The following TP63 variants were observed in gnomAD, a reference collection of about 807,000 sequenced individuals.
TP63 encodes the protein tumor protein 63.
Under a neutral mutation model 82.8 loss-of-function variants are expected in TP63, and 17 were observed. The ratio of observed to expected loss-of-function variants is 0.21; its 90% confidence interval spans 0.14 to 0.31. The LOEUF (loss-of-function observed/expected upper bound fraction) is 0.31. TP63 is among the 10% of genes least tolerant of loss of function. The pLI is 1.00. For missense variants in TP63, 648 were observed against 895.3 expected (o/e 0.72, Z 3.52); for synonymous variants, 330 against 321.7 (o/e 1.03, Z -0.28).
upstream of TP63, among the ~76,000 whole-genome samples, chr3:189,626,625 ACT>A (rs1452732958): frequency 6.6e-6 from 1 of 151,714 alleles, no homozygotes; most frequent in Non-Finnish European, 1.5e-5. Context: ...TCTTCTGAAA[ACT>A]CTCTGCTCAG....
intron 1 of TP63, among the ~76,000 whole-genome samples, chr3:189,641,652 T>A (rs913857473): frequency 3.3e-5 from 5 of 152,198 alleles, no homozygotes; most frequent in African/African-American, 1.2e-4. Context: ...CTATGTAATT[T>A]ACTACATTTA....
At chr3:189,833,685 T>C (rs1159951054) in intron 4 of TP63, among the ~76,000 whole-genome samples, 1 of 152,028 alleles carries the variant, frequency 6.6e-6, no homozygotes, top group Non-Finnish European at 1.5e-5. Context: ...TCTCTTTTTT[T>C]TTTTTTTAAA....
chr3:189,829,467 T>A (rs1247722077), intron 4 of TP63, among the ~76,000 whole-genome samples: 3 of 152,192 alleles, frequency 2.0e-5, no homozygotes, highest in Non-Finnish European at 4.4e-5. Context: ...GTCTCAGATC[T>A]TAGGGGAGGA....
chr3:189,724,068 G>A lies in TP63; in HGVS notation c.63-13672G>A, dbSNP rs139150062. ...AATATCCACTCCACTCCTCACAGAG[G>A]TCATTGCAATATACCAGAAAGAATA... On this transcript the variant is annotated intron_variant, in intron 1 of 13. Transcript: ENST00000264731. Among the ~76,000 whole-genome samples the A allele has an allele frequency of 4.1e-4, 60 of 146,526 alleles. 1 individual carries two copies. Among genetic ancestry groups the A allele is most frequent in the African/African-American group, 1.5e-3 (58 of 39,548 alleles).
rs115160839 is a variant in TP63, at chr3:189,633,838, A to T, written c.62+2261A>T. 2.5e-3 allele frequency among the ~76,000 whole-genome samples: 374 copies of T among 152,300 alleles called. 3 individuals are homozygous for T. Among genetic ancestry groups the T allele is most frequent in the African/African-American group, 8.3e-3 (345 of 41,584 alleles). On this transcript the variant is annotated intron_variant, in intron 1 of 13. Transcript: ENST00000264731. ...TTACTCAGCATCTGCTCTGCGGAAG[A>T]CATTGCAAATACAAAAACCAATTAG...
intron 1 of TP63, among the ~76,000 whole-genome samples, chr3:189,640,594 G>A (rs180883399): frequency 5.6e-4 from 85 of 152,154 alleles, no homozygotes; most frequent in East Asian, 4.1e-3. Flanking sequence ...CTCTATAAAT[G>A]CACTACCGAA....
chr3:189,772,144 A>G (rs1231396937), intron 3 of TP63, among the ~76,000 whole-genome samples: 3 of 152,288 alleles, frequency 2.0e-5, no homozygotes, highest in South Asian at 4.1e-4. Flanking sequence ...AGTTTTATGT[A>G]TATCTTCCCA....
intron 1 of TP63, among the ~76,000 whole-genome samples, chr3:189,672,694 AAGGAAGGAAGGAAAG>A (rs1260642771): frequency 6.7e-6 from 1 of 149,886 alleles, no homozygotes; most frequent in African/African-American, 2.4e-5. Context: ...GGAAGGAAGG[AAGGAAGGAAGGAAAG>A]AAGGAAGGCA....
intron 1 of TP63, among the ~76,000 whole-genome samples, chr3:189,720,705 G>T (rs1040780790): frequency 2.1e-5 from 3 of 141,318 alleles, no homozygotes; most frequent in Non-Finnish European, 4.5e-5. Context: ...TTGCACTCCA[G>T]CCTGGGCAAC....
intron 1 of TP63, among the ~76,000 whole-genome samples, chr3:189,693,389 C>T (rs1189150203): frequency 6.6e-6 from 1 of 152,168 alleles, no homozygotes; most frequent in Admixed American, 6.5e-5. Flanking sequence ...CCCAAATACA[C>T]ATTAATTAAA....
intron 3 of TP63, among the ~76,000 whole-genome samples, chr3:189,803,925 T>A (rs1336512034): frequency 6.6e-6 from 1 of 152,246 alleles, no homozygotes; most frequent in Non-Finnish European, 1.5e-5. Flanking sequence ...GATAGATATA[T>A]AATGTTTCCA....
intron 9 of TP63, among the ~76,000 whole-genome samples, chr3:189,870,122 A>AT (rs1388414552): frequency 6.6e-6 from 1 of 152,160 alleles, no homozygotes; most frequent in African/African-American, 2.4e-5. Flanking sequence ...GGCCATAGAA[A>AT]TTTAGGCCGA....
Position 189,808,660 on chromosome 3 carries a change from A to C in TP63, c.579+134A>C. 2.6e-6 allele frequency: 4 copies of C among 1,519,138 alleles called. 1 individual carries two copies. In the South Asian group the frequency reaches 3.5e-5, roughly 13 times the overall value. 94.1% of individuals were successfully genotyped at this position (1,519,138 alleles called of 1,614,324 possible). ...TGGAAAATTTGTCTTTGAATATTTAATACTGAACCAGAGAGAGAGAAAGTG... is the reference window on the plus strand; with the variant it reads ...TGGAAAATTTGTCTTTGAATATTTACTACTGAACCAGAGAGAGAGAAAGTG... On this transcript the variant is annotated intron_variant, in intron 4 of 13. Coordinates refer to ENST00000264731, the MANE Select transcript of TP63 (RefSeq NM_003722.5).
intron 3 of TP63, among the ~76,000 whole-genome samples, chr3:189,775,354 G>C (rs966314339): frequency 3.4e-4 from 51 of 152,034 alleles, no homozygotes; most frequent in African/African-American, 1.2e-3. Flanking sequence ...TCTGCCTCAA[G>C]TCAGTCTTAT....
At chr3:189,765,269 C>G (rs1722851263) in intron 3 of TP63, among the ~76,000 whole-genome samples, 1 of 151,544 alleles carries the variant, frequency 6.6e-6, no homozygotes, top group Non-Finnish European at 1.5e-5. Context: ...AGTTTTGTGA[C>G]TAATTGATAT....
chr3:189,615,716 A>G, the TP63 span, among the ~76,000 whole-genome samples: 3 of 152,148 alleles, frequency 2.0e-5, no homozygotes. Flanking sequence ...TCTTGACTCA[A>G]GCATCTATTT....
At chr3:189,787,641 G>A (rs1724717780) in intron 3 of TP63, among the ~76,000 whole-genome samples, 1 of 152,042 alleles carries the variant, frequency 6.6e-6, no homozygotes, top group Non-Finnish European at 1.5e-5. Flanking sequence ...CGTGAAAGGT[G>A]AAGTTTGTTT....
At chr3:189,816,235 A>G (rs554885923) in intron 4 of TP63, among the ~76,000 whole-genome samples, 2 of 152,364 alleles carry the variant, frequency 1.3e-5, no homozygotes, top group South Asian at 2.1e-4. Flanking sequence ...ATGTCATAAG[A>G]ACTTTTAATG....
intron 4 of TP63, among the ~76,000 whole-genome samples, chr3:189,812,474 G>T (rs1279119443): frequency 6.6e-6 from 1 of 152,144 alleles, no homozygotes; most frequent in Admixed American, 6.5e-5. Context: ...ATAATGTAGT[G>T]CTGGTCTAGC....
Sources: gnomAD v4.1 joint callset for allele counts (sites outside exome capture counted in the v4.1 genomes callset) on GRCh38, gnomAD v4.1.1 for gene constraint, MANE v1.5 for transcripts, NCBI Gene and HGNC (gene_info 2026-07-23, HGNC 2026-07-21) for gene names.